LAMB1: variants seen among roughly 807,000 people sequenced by gnomAD.
The protein encoded by LAMB1 is laminin subunit beta-1.
In LAMB1, 121 loss-of-function variants were observed where a neutral mutation model predicts 222.3. The observed-to-expected ratio is 0.54, with a 90% CI of 0.47 to 0.63. The LOEUF (loss-of-function observed/expected upper bound fraction) is 0.63. LAMB1 is among the 30% of genes least tolerant of loss of function. The probability of loss-of-function intolerance (pLI) is 0.00; values close to 1 mark genes in which losing one functional copy is unlikely to be tolerated. For missense variants in LAMB1, 2,172 were observed against 2,240.8 expected (o/e 0.97, Z 0.62); for synonymous variants, 794 against 807.2 (o/e 0.98, Z 0.28).
intron 29 of LAMB1, among the ~76,000 whole-genome samples, chr7:107,930,297 C>A (rs2032673980): frequency 6.6e-6 from 1 of 152,170 alleles, no homozygotes; most frequent in Non-Finnish European, 1.5e-5. Context: ...CATTTACTTT[C>A]AAGCTTTGCT....
At chr7:107,977,103 T>TCC (rs2033882477) in intron 9 of LAMB1, among the ~76,000 whole-genome samples, 1 of 146,990 alleles carries the variant, frequency 6.8e-6, no homozygotes. Context: ...TTTCCTCCCC[T>TCC]TCCCTTCCTC....
At chr7:107,975,534 T>A in intron 10 of LAMB1, 121 bp from the exon 11 acceptor site, 1 of 1,236,522 alleles carries the variant, frequency 8.1e-7, no homozygotes, top group Non-Finnish European at 1.1e-6. Flanking sequence ...GCAGCACAAC[T>A]ACCAAGTAAA....
At chr7:108,002,503 G>C (rs1457748428) in intron 2 of LAMB1, 19 of 1,137,464 alleles carry the variant, frequency 1.7e-5, no homozygotes, top group Non-Finnish European at 2.2e-5. Context: ...TTTTTGGAGA[G>C]CCCTCCTCGG....
At position 107,928,577 on chromosome 7, in the gene LAMB1, C is replaced by T. The variant is rs145992994; in HGVS notation, c.4887+487G>A. 7.2e-5 allele frequency among the ~76,000 whole-genome samples: 11 copies of T among 151,866 alleles called. No individual in the cohort carries two copies. The East Asian group carries it at 9.7e-4, about 13-fold the overall frequency. Reference sequence around the variant, plus strand: ...GTGTGATCTCAGCTCATTGCAACCTCGACCTCCCCGGTTCAAGCAATTCTC... The same window carrying T: ...GTGTGATCTCAGCTCATTGCAACCTTGACCTCCCCGGTTCAAGCAATTCTC... On this transcript the variant is annotated intron_variant, in intron 31 of 33. Coordinates refer to ENST00000222399, the MANE Select transcript of LAMB1 (RefSeq NM_002291.3).
chr7:107,955,010 A>T lies in LAMB1; in HGVS notation c.2854+457T>A, dbSNP rs56236047. Among the ~76,000 whole-genome samples, 389 of 152,362 alleles carry T rather than the reference A, an allele frequency of 2.6e-3. 2 individuals are homozygous for T. The highest frequency in any genetic ancestry group is 3.7e-3 in the Non-Finnish European group (253 of 68,032). On this transcript the variant is annotated intron_variant, in intron 21 of 33. Transcript: ENST00000222399. The stretch of plus-strand genomic sequence containing the variant: ...AGTTTTTAACAACCCAGCTAGATTA[A>T]TTGAATCTTGATAGATAATGTGAGT...
At chr7:107,961,081 A>G in intron 17 of LAMB1, 125 bp downstream of exon 17, 11 of 1,038,948 alleles carry the variant, frequency 1.1e-5, no homozygotes, top group Non-Finnish European at 1.6e-5. Flanking sequence ...GTAACCGTGG[A>G]GGCAAGAAAG....
intron 9 of LAMB1, among the ~76,000 whole-genome samples, chr7:107,976,081 A>G (rs1287994569): frequency 1.3e-5 from 2 of 152,156 alleles, no homozygotes; most frequent in Non-Finnish European, 2.9e-5. Context: ...CAAAAATGTG[A>G]ACTTTATAAA....
chr7:107,998,343 C>T lies in LAMB1; in HGVS notation c.349+14G>A. On this transcript the variant is annotated intron_variant, in intron 4 of 33. Coordinates refer to ENST00000222399, the MANE Select transcript of LAMB1 (RefSeq NM_002291.3). ...TCACACTCAACGGAACTTGTCCCCA[C>T]ACCAACCACATACCATTTTCAGATT... 1 of 1,613,678 alleles carries T rather than the reference C, an allele frequency of 6.2e-7. No individual in the cohort carries two copies. The highest frequency in any genetic ancestry group is 2.2e-5 in the East Asian group (1 of 44,860).
chr7:107,989,379 G>A (rs913712475), intron 5 of LAMB1, among the ~76,000 whole-genome samples: 1 of 152,206 alleles, frequency 6.6e-6, no homozygotes, highest in African/African-American at 2.4e-5. Context: ...TAAAACCAAC[G>A]CTTGACAGAA....
chr7:107,937,436 C>T (rs1334444751), intron 25 of LAMB1, among the ~76,000 whole-genome samples, 159 bp from the exon 26 acceptor site: 1 of 152,138 alleles, frequency 6.6e-6, no homozygotes, highest in Non-Finnish European at 1.5e-5. Flanking sequence ...TTCCTTATAA[C>T]AGATAGTATT....
At chr7:107,943,429 A>G (rs1000660324) in intron 24 of LAMB1, among the ~76,000 whole-genome samples, 2 of 152,214 alleles carry the variant, frequency 1.3e-5, no homozygotes, top group Non-Finnish European at 2.9e-5. Flanking sequence ...TAACTTACAA[A>G]TAACTTAAAT....
intron 4 of LAMB1, among the ~76,000 whole-genome samples, chr7:107,995,349 A>AG (rs1200888396): frequency 6.6e-6 from 1 of 152,202 alleles, no homozygotes; most frequent in Non-Finnish European, 1.5e-5. Flanking sequence ...TGTGCACAGT[A>AG]GGGGGTCAGC....
intron 32 of LAMB1, among the ~76,000 whole-genome samples, chr7:107,925,898 T>TAAAA (rs34631145): frequency 1.4e-4 from 20 of 142,924 alleles, no homozygotes; most frequent in African/African-American, 4.2e-4. Flanking sequence ...ATAGTTGGTT[T>TAAAA]AAAAAAAAAA....
intron 5 of LAMB1, among the ~76,000 whole-genome samples, chr7:107,989,701 G>A (rs1043146415): frequency 6.5e-4 from 99 of 152,178 alleles, no homozygotes; most frequent in African/African-American, 2.1e-3. Flanking sequence ...CAAACTCCCC[G>A]TGAGAGCCTG....
At chr7:107,925,169 C>T (rs994101006) in intron 32 of LAMB1, among the ~76,000 whole-genome samples, 38 of 152,208 alleles carry the variant, frequency 2.5e-4, no homozygotes, top group East Asian at 1.5e-3. Flanking sequence ...GTTACTCTTA[C>T]GTAATGCCCG....
chr7:108,000,505 T>C (rs1263161165), intron 3 of LAMB1, among the ~76,000 whole-genome samples: 1 of 152,268 alleles, frequency 6.6e-6, no homozygotes, highest in Non-Finnish European at 1.5e-5. Flanking sequence ...GTGAAACTGA[T>C]ACTTTCTGCT....
At chr7:107,958,645 G>T (rs2033428031) in intron 20 of LAMB1, among the ~76,000 whole-genome samples, 1 of 152,174 alleles carries the variant, frequency 6.6e-6, no homozygotes, top group African/African-American at 2.4e-5. Flanking sequence ...AAGTCAGCAG[G>T]TAACTTTTTC....
In LAMB1 at chr7:107,924,098, A is replaced by AT. The variant is rs2032496567; in HGVS notation, c.5225-12dup. On this transcript the variant is annotated splice_polypyrimidine_tract_variant and intron_variant, in intron 33 of 33. Transcript: ENST00000222399. Reference sequence around the variant, plus strand: ...ATTTTCTTTCTAAATCTGTGGGGAGATATATATATATAAAGTCTGAGCAAT... The same window carrying AT: ...ATTTTCTTTCTAAATCTGTGGGGAGATTATATATATATAAAGTCTGAGCAAT... 1 of 1,472,990 alleles carries AT rather than the reference A, an allele frequency of 6.8e-7. No individual in the cohort carries two copies. 91.2% of individuals were successfully genotyped at this position (1,472,990 alleles called of 1,614,324 possible).
intron 24 of LAMB1, 38 bp downstream of exon 24, chr7:107,951,188 T>C (rs1170242094): frequency 6.6e-7 from 1 of 1,508,170 alleles, no homozygotes; most frequent in Non-Finnish European, 9.2e-7. Flanking sequence ...TTCCCTCCAC[T>C]CTCTGATCAA....
Sources: gnomAD v4.1 joint callset for allele counts (sites outside exome capture counted in the v4.1 genomes callset) on GRCh38, gnomAD v4.1.1 for gene constraint, MANE v1.5 for transcripts, NCBI Gene and HGNC (gene_info 2026-07-23, HGNC 2026-07-21) for gene names.